ADAMTS12: variants seen among roughly 807,000 people sequenced by gnomAD.
ADAMTS12 encodes A disintegrin and metalloproteinase with thrombospondin motifs 12.
Under a neutral mutation model 167.8 loss-of-function variants are expected in ADAMTS12, and 118 were observed. The observed-to-expected ratio is 0.70, with a 90% CI of 0.61 to 0.82. The LOEUF (loss-of-function observed/expected upper bound fraction) is 0.82. Among genes scored for constraint, ADAMTS12 ranks in the 40% least tolerant of loss-of-function variants. ADAMTS12 has a pLI of 0.00. For synonymous variants in ADAMTS12, 704 were observed against 716.9 expected (o/e 0.98, Z 0.29); for missense variants, 1,916 against 1,998.8 (o/e 0.96, Z 0.79).
chr5:33,739,496 T>C (rs972137498), intron 3 of ADAMTS12, among the ~76,000 whole-genome samples: 3 of 152,226 alleles, frequency 2.0e-5, no homozygotes, highest in African/African-American at 7.2e-5. Flanking sequence ...CATGTGTGCA[T>C]ACGTGTGTGG....
chr5:33,768,713 G>A (rs1276672149), intron 2 of ADAMTS12, among the ~76,000 whole-genome samples: 1 of 152,002 alleles, frequency 6.6e-6, no homozygotes, highest in African/African-American at 2.4e-5. Flanking sequence ...ATCCTTAATG[G>A]AAAAATAGAA....
At chr5:33,681,927 A>G (rs10063113) in intron 5 of ADAMTS12, among the ~76,000 whole-genome samples, 8,032 of 152,304 alleles carry the variant, frequency 0.053, 443 homozygotes, top group East Asian at 0.17. Context: ...TTGTTCTAAA[A>G]AAAACCCAGA....
At chr5:33,672,030 C>CACACACCCACATACTCACAT (rs1196007683) in intron 5 of ADAMTS12, among the ~76,000 whole-genome samples, 1 of 150,612 alleles carries the variant, frequency 6.6e-6, no homozygotes, top group African/African-American at 2.4e-5. Flanking sequence ...CACATACATA[C>CACACACCCACATACTCACAT]ACACACCCAC....
chr5:33,588,632 G>T lies in ADAMTS12; in HGVS notation c.2832C>A (p.Cys944Ter). ...AGTTGCCCACTGTCCAGTCCGAGGG[G>T]CACAGGATGTCTCTGTTGCAGGAAA... ...TLLSCNRDIL[C>*]PSDWTVGNWS... The change falls in exon 18 of 24, where the codon TGC becomes TGA. Residue 944 changes from cysteine to a stop codon, truncating the protein, a stop_gained. Transcript: ENST00000504830. LOFTEE classifies it high-confidence loss of function. The T allele has an allele frequency of 6.2e-7, 1 of 1,614,160 alleles. No homozygotes were observed. Among genetic ancestry groups the T allele is most frequent in the East Asian group, 2.2e-5 (1 of 44,876 alleles).
At chr5:33,663,908 A>C (rs767751618) in intron 5 of ADAMTS12, among the ~76,000 whole-genome samples, 6 of 152,210 alleles carry the variant, frequency 3.9e-5, no homozygotes, top group Non-Finnish European at 1.5e-5. Flanking sequence ...TACCACTTAT[A>C]ATTGTTACAA....
At chr5:33,770,616 G>A (rs1561262707) in intron 2 of ADAMTS12, among the ~76,000 whole-genome samples, 1 of 152,044 alleles carries the variant, frequency 6.6e-6, no homozygotes, top group Non-Finnish European at 1.5e-5. Context: ...GCCCAGGAGA[G>A]GATGATTCAA....
chr5:33,874,790 C>G (rs765923397), intron 2 of ADAMTS12, among the ~76,000 whole-genome samples: 2 of 152,278 alleles, frequency 1.3e-5, no homozygotes, highest in Non-Finnish European at 2.9e-5. Context: ...CTTCAGGGGG[C>G]TGGGTGCAGT....
At chr5:33,672,988 C>T (rs1741772086) in intron 5 of ADAMTS12, among the ~76,000 whole-genome samples, 1 of 152,200 alleles carries the variant, frequency 6.6e-6, no homozygotes, top group Non-Finnish European at 1.5e-5. Flanking sequence ...CTATTGAGGA[C>T]TTCTCTAAAC....
intron 22 of ADAMTS12, among the ~76,000 whole-genome samples, chr5:33,543,604 A>C (rs1744815010): frequency 6.6e-6 from 1 of 152,302 alleles, no homozygotes; most frequent in African/African-American, 2.4e-5. Flanking sequence ...TCAGTGCAAA[A>C]ATCCTCAATA....
intron 22 of ADAMTS12, among the ~76,000 whole-genome samples, chr5:33,540,233 GAGGT>G (rs2111780810): frequency 1.3e-5 from 2 of 152,248 alleles, no homozygotes; most frequent in East Asian, 3.9e-4. Flanking sequence ...ATCAAATGGT[GAGGT>G]GACAACCTAG....
chr5:33,813,977 T>C (rs1427772062), intron 2 of ADAMTS12, among the ~76,000 whole-genome samples: 1 of 152,262 alleles, frequency 6.6e-6, no homozygotes, highest in African/African-American at 2.4e-5. Context: ...TTCTGTCTTT[T>C]CTTACTGATT....
intron 3 of ADAMTS12, among the ~76,000 whole-genome samples, chr5:33,705,266 GGTGTGTGTGTGT>G (rs70964413): frequency 1.4e-4 from 20 of 144,020 alleles, no homozygotes; most frequent in African/African-American, 3.4e-4. Context: ...AGTATTCCAT[GGTGTGTGTGTGT>G]GTGTGTGTGT....
At chr5:33,573,947 G>A (rs1191676896) in intron 19 of ADAMTS12, among the ~76,000 whole-genome samples, 1 of 152,224 alleles carries the variant, frequency 6.6e-6, no homozygotes, top group South Asian at 2.1e-4. Flanking sequence ...GATATGAGCA[G>A]ATACTTCTCA....
chr5:33,524,039 T>C lies in ADAMTS12; in HGVS notation c.*3149A>G, dbSNP rs1472473099. 2.6e-5 allele frequency: 4 copies of C among 152,362 alleles called. No homozygotes were observed. In the East Asian group the frequency reaches 5.8e-4, roughly 22 times the overall value. The allele number at this position is 152,362 out of a possible 1,614,324, so 9.4% of individuals were successfully genotyped here. A position where few individuals can be genotyped will look rare whatever the true frequency, so the allele number is the denominator to read the frequency against. ...AATGGGATGTTATTATCTAAAACAA[T>C]ATAATCTCTCACATTGTGTTTCAGA... On this transcript the variant is annotated 3_prime_UTR_variant, in exon 24 of 24. Coordinates refer to ENST00000504830, the MANE Select transcript of ADAMTS12 (RefSeq NM_030955.4).
chr5:33,716,761 T>C (rs1290439009), intron 3 of ADAMTS12, among the ~76,000 whole-genome samples: 1 of 152,196 alleles, frequency 6.6e-6, no homozygotes, highest in Non-Finnish European at 1.5e-5. Flanking sequence ...TGATGGATCA[T>C]CATGATAAAG....
intron 2 of ADAMTS12, among the ~76,000 whole-genome samples, chr5:33,837,062 A>G (rs1409705772): frequency 1.3e-5 from 2 of 151,910 alleles, no homozygotes; most frequent in Non-Finnish European, 2.9e-5. Context: ...GCTTTTAACC[A>G]GAGAACAATG....
At position 33,577,165 on chromosome 5, in the gene ADAMTS12, A is replaced by G; in HGVS notation, c.2866-5T>C. 1 of 1,614,096 alleles carries G rather than the reference A, an allele frequency of 6.2e-7. No homozygotes were observed. The highest frequency in any genetic ancestry group is 8.5e-7 in the Non-Finnish European group (1 of 1,180,002). ...ACCACCACAGGAAACAGAACACTAGAAGAGAGAAACAGCTGTTAGCCTGGC... is the reference window on the plus strand; with the variant it reads ...ACCACCACAGGAAACAGAACACTAGGAGAGAGAAACAGCTGTTAGCCTGGC... On this transcript the variant is annotated splice_region_variant and splice_polypyrimidine_tract_variant and intron_variant, in intron 18 of 23. Transcript: ENST00000504830.
intron 18 of ADAMTS12, among the ~76,000 whole-genome samples, chr5:33,581,578 T>A (rs1277184245): frequency 1.3e-5 from 2 of 152,210 alleles, no homozygotes; most frequent in African/African-American, 2.4e-5. Context: ...CAGTGAATAC[T>A]TTGGGCATTA....
intron 3 of ADAMTS12, among the ~76,000 whole-genome samples, chr5:33,750,570 G>T (rs534247080): frequency 6.6e-6 from 1 of 152,094 alleles, no homozygotes; most frequent in Non-Finnish European, 1.5e-5. Flanking sequence ...AATAATGTTA[G>T]GGATTCCTTT....
Sources: allele counts gnomAD v4.1 joint callset (sites outside exome capture counted in the v4.1 genomes callset), GRCh38; gene constraint gnomAD v4.1.1; transcripts MANE v1.5; gene names NCBI Gene and HGNC (gene_info 2026-07-23, HGNC 2026-07-21).